Variants in SHANK2 observed in about 807,000 individuals in gnomAD.
SHANK2 encodes SH3 and multiple ankyrin repeat domains 2.
A neutral mutation model predicts 133.7 loss-of-function variants in SHANK2; 43 were observed. The ratio of observed to expected loss-of-function variants is 0.32; its 90% CI spans 0.25 to 0.41. The LOEUF (loss-of-function observed/expected upper bound fraction) is 0.41, where lower values mean the gene tolerates loss of function less well. Ranked by LOEUF, SHANK2 falls within the 10% of genes least tolerant of loss-of-function variation. The pLI, the probability that SHANK2 is intolerant of heterozygous loss-of-function variation, is 1.00. For synonymous variants in SHANK2, 1,017 were observed against 952.8 expected, an observed-to-expected ratio of 1.07 and a Z score of -1.24; for missense variants, 1,994 against 2,235.8, an observed-to-expected ratio of 0.89 and a Z score of 2.18.
chr11:71,056,877 G>GA (rs1291650567), intron 9 of SHANK2, among the ~76,000 whole-genome samples: 1 of 152,002 alleles, frequency 6.6e-6, no homozygotes, highest in Non-Finnish European at 1.5e-5. Context: ...AAGAAGAAAA[G>GA]AAAAGAAAAT....
Position 70,863,569 on chromosome 11 carries a change from T to TTCTAGGTC in SHANK2, c.1174+32931_1174+32932insGACCTAGA, listed in dbSNP as rs1949298689. 6.6e-6 allele frequency: 3 copies of TTCTAGGTC among 457,512 alleles called. No homozygotes were observed. The Middle Eastern group carries it at 9.7e-4, about 148-fold the overall frequency. The allele number at this position is 457,512 out of a possible 1,614,324, so 28.3% of individuals were successfully genotyped here. ...CTCTGGATCCCAGTGAAGGTACAAT[T>TTCTAGGTC]TAGAGTCTAAAATAACTCAGGCTGG... is the stretch of plus-strand genomic sequence containing the variant. On this transcript the variant is annotated intron_variant, in intron 11 of 25. Coordinates refer to ENST00000601538, the MANE Select transcript of SHANK2 (RefSeq NM_012309.5).
In SHANK2 at chr11:70,807,315, G is replaced by T. The variant is rs577624524; in HGVS notation, c.1494-144C>A. ...ACTCCTGATGCCAGACAGGAAGATGGGAACAGGCCGGGGCAGCACTGTGGT... is the reference window on the plus strand; with the variant it reads ...ACTCCTGATGCCAGACAGGAAGATGTGAACAGGCCGGGGCAGCACTGTGGT... On this transcript the variant is annotated intron_variant, in intron 12 of 25. Coordinates refer to ENST00000601538, the MANE Select transcript of SHANK2 (RefSeq NM_012309.5). The surrounding 1 kb of genome is among the most constrained non-coding windows in gnomAD (Gnocchi z 4.8). 1 of 639,006 alleles carries T rather than the reference G, an allele frequency of 1.6e-6. No homozygotes were observed. The allele number at this position is 639,006 out of a possible 1,614,324, so 39.6% of individuals were successfully genotyped here. A position where few individuals can be genotyped will look rare whatever the true frequency, so the allele number is the denominator to read the frequency against.
chr11:70,949,716 C>G (rs1385534377), intron 10 of SHANK2, among the ~76,000 whole-genome samples: 2 of 152,212 alleles, frequency 1.3e-5, no homozygotes, highest in African/African-American at 2.4e-5. Context: ...CTGCCCTGGC[C>G]CATGCTGCAG....
chr11:70,536,723 G>A (rs1312084935), intron 17 of SHANK2, among the ~76,000 whole-genome samples: 3 of 152,142 alleles, frequency 2.0e-5, no homozygotes, highest in Non-Finnish European at 2.9e-5. Flanking sequence ...ACCGTGCACC[G>A]TGCCACCTTT....
At chr11:71,203,988 A>G (rs1025248983) in intron 2 of SHANK2, among the ~76,000 whole-genome samples, 7 of 152,108 alleles carry the variant, frequency 4.6e-5, no homozygotes, top group Admixed American at 3.3e-4. Context: ...TCTGCCCCAC[A>G]TGCCTTTTGC....
intron 10 of SHANK2, among the ~76,000 whole-genome samples, chr11:70,950,804 T>A (rs147195094): frequency 1.5e-3 from 221 of 152,184 alleles, no homozygotes; most frequent in Non-Finnish European, 2.7e-3. Context: ...TGTGTGGGTG[T>A]GTATGTATGT....
intron 2 of SHANK2, among the ~76,000 whole-genome samples, chr11:71,178,377 C>A (rs1301753435): frequency 6.6e-6 from 1 of 152,118 alleles, no homozygotes; most frequent in Non-Finnish European, 1.5e-5. Context: ...CTAGAATAGC[C>A]AAATTCGTAA....
intron 10 of SHANK2, 93 bp downstream of exon 10, chr11:71,056,388 T>C (rs1950920519): frequency 6.6e-6 from 1 of 152,180 alleles, no homozygotes; most frequent in Non-Finnish European, 1.5e-5. Flanking sequence ...CGAGCCGACC[T>C]CATGTCACAC....
intron 8 of SHANK2, among the ~76,000 whole-genome samples, chr11:71,077,924 T>G (rs1951242657): frequency 6.6e-6 from 1 of 152,084 alleles, no homozygotes; most frequent in African/African-American, 2.4e-5. Flanking sequence ...GTTCCTAATA[T>G]AGAGACTAAT....
In SHANK2 at chr11:70,607,726, T is replaced by G. The variant is rs539604161; in HGVS notation, c.2061+52102A>C. 5.1e-3 allele frequency among the ~76,000 whole-genome samples: 784 copies of G among 152,270 alleles called. 5 individuals carry two copies. Among genetic ancestry groups the G allele is most frequent in the Non-Finnish European group, 6.9e-3 (469 of 68,000 alleles). On this transcript the variant is annotated intron_variant, in intron 17 of 25. Coordinates refer to ENST00000601538, the MANE Select transcript of SHANK2 (RefSeq NM_012309.5). ...ACAGGGCCCCCAGGACATGCCACCA[T>G]CCTGTGAGCAGGCAGTGGCCAGCTC...
chr11:70,578,284 A>G (rs1325080427), intron 17 of SHANK2, among the ~76,000 whole-genome samples: 2 of 152,236 alleles, frequency 1.3e-5, no homozygotes, highest in Non-Finnish European at 2.9e-5. Context: ...ACAGGCTGCA[A>G]GAAACAGAGA....
intron 11 of SHANK2, among the ~76,000 whole-genome samples, chr11:70,884,641 C>T (rs1056502074): frequency 1.5e-4 from 23 of 152,342 alleles, no homozygotes; most frequent in Non-Finnish European, 2.9e-4. Flanking sequence ...TCCCTGCCTA[C>T]GGTGTCCGGT....
chr11:70,646,829 TTTTATTTATTTATTTA>T (rs201368975), intron 17 of SHANK2, among the ~76,000 whole-genome samples: 1 of 81,906 alleles, frequency 1.2e-5, no homozygotes, highest in Non-Finnish European at 2.7e-5. Flanking sequence ...CTTTTATTTA[TTTTATTTATTTATTTA>T]TTTATTTATT....
chr11:70,787,232 A>C (rs553376899), intron 14 of SHANK2, among the ~76,000 whole-genome samples: 43 of 149,294 alleles, frequency 2.9e-4, no homozygotes, highest in Middle Eastern at 3.5e-3. Flanking sequence ...CACTAGGATC[A>C]CCACTATCAT....
At chr11:70,879,909 C>T (rs1555072102) in intron 11 of SHANK2, among the ~76,000 whole-genome samples, 1 of 152,210 alleles carries the variant, frequency 6.6e-6, no homozygotes, top group Non-Finnish European at 1.5e-5. Context: ...GGATCCCAGG[C>T]CTCTCCCAGG....
intron 17 of SHANK2, among the ~76,000 whole-genome samples, chr11:70,646,842 T>C (rs1271360399): frequency 6.9e-6 from 1 of 145,904 alleles, no homozygotes; most frequent in African/African-American, 2.6e-5. Context: ...TATTTATTTA[T>C]TTATTTATTT....
At chr11:70,955,420 GGGGT>G (rs1283626346) in intron 10 of SHANK2, among the ~76,000 whole-genome samples, 10 of 72,654 alleles carry the variant, frequency 1.4e-4, no homozygotes, top group South Asian at 6.4e-4. Context: ...ACAGACCCAC[GGGGT>G]GTGTGTGTGT....
intron 2 of SHANK2, among the ~76,000 whole-genome samples, chr11:71,150,820 C>G (rs1313388048): frequency 7.2e-5 from 11 of 152,158 alleles, no homozygotes; most frequent in African/African-American, 1.9e-4. Context: ...AGACACTTCA[C>G]AAGGCACAGA....
intron 10 of SHANK2, chr11:70,952,656 C>T (rs782521016): frequency 6.5e-6 from 2 of 305,906 alleles, no homozygotes; most frequent in Non-Finnish European, 1.4e-5. Flanking sequence ...CAGAGACGCA[C>T]CCAAGCTGCT....
Sources: allele counts gnomAD v4.1 joint callset (sites outside exome capture counted in the v4.1 genomes callset), GRCh38; gene constraint gnomAD v4.1.1; non-coding constraint Gnocchi (gnomAD v3.1); transcripts MANE v1.5; gene names NCBI Gene and HGNC (gene_info 2026-07-23, HGNC 2026-07-21).